The following CDK14 variants were observed in gnomAD, a reference collection of about 807,000 sequenced individuals.
The protein encoded by CDK14 is cyclin-dependent kinase 14.
CDK14 carries 34 observed loss-of-function variants against 60.7 expected under a neutral mutation model. The observed-to-expected ratio is 0.56, with a 90% CI of 0.43 to 0.75. The LOEUF is 0.75. Ranked by LOEUF, CDK14 falls within the 30% of genes least tolerant of loss-of-function variation. CDK14 has a pLI of 0.00. For synonymous variants in CDK14, 197 were observed against 203.7 expected (o/e 0.97, Z 0.28); for missense variants, 482 against 564.1 (o/e 0.85, Z 1.47).
intron 11 of CDK14, among the ~76,000 whole-genome samples, chr7:91,078,304 G>A (rs985296536): frequency 6.6e-6 from 1 of 152,096 alleles, no homozygotes; most frequent in Non-Finnish European, 1.5e-5. Context: ...AACGTTATAC[G>A]ATTTTAAAAC....
chr7:90,735,894 A>G (rs907246214), intron 3 of CDK14, among the ~76,000 whole-genome samples: 1 of 152,204 alleles, frequency 6.6e-6, no homozygotes, highest in Non-Finnish European at 1.5e-5. Context: ...TGCTGCAGCT[A>G]GCTCGGTGTC....
chr7:91,083,472 G>T (rs1798538421), intron 12 of CDK14, among the ~76,000 whole-genome samples: 1 of 152,126 alleles, frequency 6.6e-6, no homozygotes, highest in African/African-American at 2.4e-5. Context: ...CAGGTCTCTT[G>T]TCCTGACCCT....
chr7:90,933,149 G>A (rs13242535), intron 8 of CDK14, among the ~76,000 whole-genome samples: 81,716 of 151,734 alleles, frequency 0.54, 22,474 homozygotes, highest in East Asian at 0.7. Context: ...AGACCAGCCT[G>A]GGAAACATGG....
intron 2 of CDK14, among the ~76,000 whole-genome samples, chr7:90,629,688 T>C (rs1799951254): frequency 6.6e-6 from 1 of 152,182 alleles, no homozygotes; most frequent in African/African-American, 2.4e-5. Flanking sequence ...ATGTCCATGT[T>C]GGAGATTCAA....
At chr7:91,091,473 A>G (rs181913695) in intron 12 of CDK14, among the ~76,000 whole-genome samples, 1,736 of 126,074 alleles carry the variant, frequency 0.014, 53 homozygotes, top group African/African-American at 0.05. Context: ...TAATATATAT[A>G]CATATATGTA....
At chr7:90,991,446 C>T (rs955556394) in intron 10 of CDK14, among the ~76,000 whole-genome samples, 1 of 152,072 alleles carries the variant, frequency 6.6e-6, no homozygotes, top group Non-Finnish European at 1.5e-5. Flanking sequence ...GAAATCAGTA[C>T]AGTGACACAA....
At chr7:90,649,264 CTTT>C (rs1800540004) in intron 2 of CDK14, among the ~76,000 whole-genome samples, 1 of 47,628 alleles carries the variant, frequency 2.1e-5, no homozygotes, top group Non-Finnish European at 4.3e-5. Flanking sequence ...TTCTTTCTTT[CTTT>C]CTTTCTTTCT....
At chr7:90,811,831 G>A (rs1789132971) in intron 5 of CDK14, among the ~76,000 whole-genome samples, 1 of 152,304 alleles carries the variant, frequency 6.6e-6, no homozygotes, top group South Asian at 2.1e-4. Context: ...CTTCTCAAAA[G>A]AAGACTTTTG....
intron 9 of CDK14, among the ~76,000 whole-genome samples, chr7:90,978,566 A>T (rs1481557954): frequency 1.3e-5 from 2 of 152,136 alleles, no homozygotes; most frequent in African/African-American, 2.4e-5. Flanking sequence ...TCTTCTAAAT[A>T]TAAAATAAAA....
chr7:90,982,341 A>T (rs768402504), intron 9 of CDK14, among the ~76,000 whole-genome samples: 41 of 152,306 alleles, frequency 2.7e-4, no homozygotes, highest in Middle Eastern at 3.4e-3. Context: ...CTAGATAGTG[A>T]AGCAATTTGA....
chr7:90,789,029 G>A (rs529304567), intron 4 of CDK14, among the ~76,000 whole-genome samples: 1 of 152,252 alleles, frequency 6.6e-6, no homozygotes, highest in Admixed American at 6.5e-5. Context: ...ATCAGAATTG[G>A]AGATCAGAAA....
chr7:91,174,249 C>G (rs376322518), intron 14 of CDK14, among the ~76,000 whole-genome samples: 63 of 152,084 alleles, frequency 4.1e-4, no homozygotes, highest in South Asian at 6.3e-4. Flanking sequence ...TGAGGGTCCT[C>G]TCTGTTAGAA....
chr7:91,163,114 C>G (rs754840773), intron 14 of CDK14, among the ~76,000 whole-genome samples: 1 of 152,224 alleles, frequency 6.6e-6, no homozygotes, highest in Non-Finnish European at 1.5e-5. Flanking sequence ...GGGAGTTTCT[C>G]CCTGACCCAC....
chr7:90,657,265 C>G (rs1406326198), intron 2 of CDK14, among the ~76,000 whole-genome samples: 1 of 152,138 alleles, frequency 6.6e-6, no homozygotes, highest in Admixed American at 6.5e-5. Context: ...GTGATAAGGA[C>G]TTTGAATACA....
chr7:91,074,666 A>G (rs928138343), intron 11 of CDK14, among the ~76,000 whole-genome samples: 1 of 152,210 alleles, frequency 6.6e-6, no homozygotes, highest in South Asian at 2.1e-4. Flanking sequence ...GAACTGAAGG[A>G]TATGGAGACA....
chr7:90,757,852 C>G (rs1804147262), intron 4 of CDK14, among the ~76,000 whole-genome samples: 1 of 152,184 alleles, frequency 6.6e-6, no homozygotes, highest in South Asian at 2.1e-4. Flanking sequence ...ATCCACCCAC[C>G]TCGGCTTCCC....
intron 11 of CDK14, among the ~76,000 whole-genome samples, chr7:91,066,863 T>C (rs1006015675): frequency 6.6e-6 from 1 of 152,230 alleles, no homozygotes; most frequent in African/African-American, 2.4e-5. Context: ...CCTGCTGTGT[T>C]GGGATCATCC....
intron 5 of CDK14, among the ~76,000 whole-genome samples, chr7:90,861,375 A>G (rs1184964172): frequency 6.6e-6 from 1 of 152,218 alleles, no homozygotes; most frequent in Non-Finnish European, 1.5e-5. Flanking sequence ...ATTAAGAGAC[A>G]GCAACAAGCC....
At chr7:90,636,736 G>A (rs117703324) in intron 2 of CDK14, among the ~76,000 whole-genome samples, 47,026 of 151,892 alleles carry the variant, frequency 0.31, 8,204 homozygotes, top group East Asian at 0.67. Context: ...TACCTGTGGT[G>A]GAATTCAGCT....
Sources: gnomAD v4.1 joint callset for allele counts (sites outside exome capture counted in the v4.1 genomes callset) on GRCh38, gnomAD v4.1.1 for gene constraint, MANE v1.5 for transcripts, NCBI Gene and HGNC (gene_info 2026-07-23, HGNC 2026-07-21) for gene names.